Variants in PGM5 observed in about 807,000 individuals in gnomAD.
PGM5 encodes phosphoglucomutase-like protein 5.
In PGM5, 23 loss-of-function variants were observed where a neutral mutation model predicts 59.2. The ratio of observed to expected loss-of-function variants is 0.39; its 90% CI spans 0.28 to 0.55. PGM5 has a LOEUF of 0.55. Ranked by LOEUF, PGM5 falls within the 20% of genes least tolerant of loss-of-function variation. PGM5 has a pLI of 0.66. For synonymous variants in PGM5, 214 were observed against 286.0 expected, an observed-to-expected ratio of 0.75 and a Z score of 2.54; for missense variants, 574 against 748.3, an observed-to-expected ratio of 0.77 and a Z score of 2.72.
At chr9:68,412,634 G>A (rs1248972846) in intron 6 of PGM5, among the ~76,000 whole-genome samples, 1 of 152,180 alleles carries the variant, frequency 6.6e-6, no homozygotes, top group African/African-American at 2.4e-5. Context: ...CTCCTGCTCT[G>A]CTACAAACGG....
intron 2 of PGM5, among the ~76,000 whole-genome samples, chr9:68,380,115 C>T (rs1554678203): frequency 6.6e-6 from 1 of 151,550 alleles, no homozygotes; most frequent in African/African-American, 2.4e-5. Flanking sequence ...CCTACCAAAC[C>T]TACATTCATC....
At chr9:68,523,139 A>G (rs1039454143) in intron 10 of PGM5, among the ~76,000 whole-genome samples, 5 of 152,298 alleles carry the variant, frequency 3.3e-5, no homozygotes, top group Middle Eastern at 3.4e-3. Context: ...CAGCCTCTCT[A>G]TTGGCTGCCT....
intron 10 of PGM5, among the ~76,000 whole-genome samples, chr9:68,508,517 A>G (rs1478741066): frequency 6.6e-6 from 1 of 152,212 alleles, no homozygotes; most frequent in Admixed American, 6.5e-5. Context: ...TTCTTACCAA[A>G]ATATCTTTTG....
intron 1 of PGM5, among the ~76,000 whole-genome samples, chr9:68,366,157 T>TA (rs1319606731): frequency 2.6e-5 from 4 of 151,894 alleles, no homozygotes; most frequent in African/African-American, 9.7e-5. Context: ...TCTAAATTAA[T>TA]AGAGTAGTTT....
At chr9:68,477,500 GT>G (rs1824126369) in intron 7 of PGM5, among the ~76,000 whole-genome samples, 1 of 152,146 alleles carries the variant, frequency 6.6e-6, no homozygotes, top group Non-Finnish European at 1.5e-5. Flanking sequence ...TTCCATGTAT[GT>G]TTTGTAGTTC....
At chr9:68,359,446 A>G (rs1476245884) in intron 1 of PGM5, among the ~76,000 whole-genome samples, 3 of 152,192 alleles carry the variant, frequency 2.0e-5, no homozygotes, top group African/African-American at 7.2e-5. Flanking sequence ...CAAACAGCCA[A>G]CTTTAACCAA....
chr9:68,430,140 A>G (rs1554682914), intron 6 of PGM5, among the ~76,000 whole-genome samples: 1 of 152,262 alleles, frequency 6.6e-6, no homozygotes, highest in African/African-American at 2.4e-5. Flanking sequence ...ATAGCTTTCA[A>G]CTATTAATAA....
rs114757870 is a variant in PGM5 at position 68,430,905 on chromosome 9, A to G, written c.1044-34188A>G. On this transcript the variant is annotated intron_variant, in intron 6 of 10. Coordinates refer to ENST00000396396, the MANE Select transcript of PGM5 (RefSeq NM_021965.4). ...TAGAGTATTCATCATAACATGCATC[A>G]ACTATTTATATTTTCTCAATAAATA... Among the ~76,000 whole-genome samples, 1,391 of 152,306 alleles carry G rather than the reference A, an allele frequency of 9.1e-3. 16 individuals carry two copies. Among genetic ancestry groups the G allele is most frequent in the African/African-American group, 0.032 (1,350 of 41,550 alleles).
intron 6 of PGM5, among the ~76,000 whole-genome samples, chr9:68,413,114 A>G (rs575088235): frequency 1.2e-3 from 187 of 152,348 alleles, no homozygotes; most frequent in Middle Eastern, 6.8e-3. Flanking sequence ...TATGGACATA[A>G]CAAAGCAGCA....
At chr9:68,358,702 T>C (rs1554676014) in intron 1 of PGM5, among the ~76,000 whole-genome samples, 1 of 152,096 alleles carries the variant, frequency 6.6e-6, no homozygotes, top group African/African-American at 2.4e-5. Flanking sequence ...GCTTCATATT[T>C]ATCTACTATA....
intron 6 of PGM5, among the ~76,000 whole-genome samples, chr9:68,411,503 T>TATATATA (rs61541417): frequency 6.8e-6 from 1 of 146,206 alleles, no homozygotes; most frequent in African/African-American, 2.5e-5. Context: ...TATATATATA[T>TATATATA]GATTTTCCCA....
chr9:68,481,872 C>A (rs1355301194), intron 8 of PGM5, among the ~76,000 whole-genome samples: 1 of 152,154 alleles, frequency 6.6e-6, no homozygotes, highest in Non-Finnish European at 1.5e-5. Context: ...CAACCCCCAG[C>A]AAATGGCAAA....
At chr9:68,476,347 T>G (rs1311554548) in intron 7 of PGM5, among the ~76,000 whole-genome samples, 1 of 152,236 alleles carries the variant, frequency 6.6e-6, no homozygotes, top group East Asian at 1.9e-4. Context: ...GTTTCTCTTT[T>G]TCTTATTGAC....
intron 2 of PGM5, among the ~76,000 whole-genome samples, chr9:68,382,742 T>C (rs1196275990): frequency 4.0e-5 from 6 of 151,746 alleles, no homozygotes; most frequent in Non-Finnish European, 7.4e-5. Context: ...ATCAGGGAGC[T>C]TGGAAATTGA....
chr9:68,475,844 C>T (rs1247644842), intron 7 of PGM5, among the ~76,000 whole-genome samples: 1 of 151,910 alleles, frequency 6.6e-6, no homozygotes, highest in Non-Finnish European at 1.5e-5. Flanking sequence ...ACAGTGAGAC[C>T]CCATCTCTAA....
chr9:68,514,533 C>T lies in PGM5; in HGVS notation c.1615-15034C>T, dbSNP rs547514422. On this transcript the variant is annotated intron_variant, in intron 10 of 10. Coordinates refer to ENST00000396396, the MANE Select transcript of PGM5 (RefSeq NM_021965.4). Reference sequence around the variant, plus strand: ...AGGAGAATCGCTTGAACCTGGGAGGCGGTGGAGGTTGTGGTGAACCAAGAT... The same window carrying T: ...AGGAGAATCGCTTGAACCTGGGAGGTGGTGGAGGTTGTGGTGAACCAAGAT... 1.2e-4 allele frequency among the ~76,000 whole-genome samples: 18 copies of T among 152,108 alleles called. No homozygotes were observed. In the East Asian group the frequency reaches 1.7e-3, roughly 15 times the overall value.
intron 10 of PGM5, among the ~76,000 whole-genome samples, chr9:68,511,490 A>ACAT (rs1156941290): frequency 6.7e-6 from 1 of 148,486 alleles, no homozygotes; most frequent in Non-Finnish European, 1.5e-5. Flanking sequence ...TTTATACCTG[A>ACAT]CATGTGAATA....
At chr9:68,471,470 A>G in intron 7 of PGM5, among the ~76,000 whole-genome samples, 1 of 152,046 alleles carries the variant, frequency 6.6e-6, no homozygotes, top group Admixed American at 6.6e-5. Context: ...CACTGGAGAG[A>G]TTTTTGATTC....
At chr9:68,411,486 G>GTA (rs1279685124) in intron 6 of PGM5, among the ~76,000 whole-genome samples, 8,258 of 137,840 alleles carry the variant, frequency 0.06, 824 homozygotes, top group African/African-American at 0.2. Context: ...GTGTGTGTGT[G>GTA]TGTATATATA....
Sources: gnomAD v4.1 joint callset for allele counts (sites outside exome capture counted in the v4.1 genomes callset) on GRCh38, gnomAD v4.1.1 for gene constraint, MANE v1.5 for transcripts, NCBI Gene and HGNC (gene_info 2026-07-23, HGNC 2026-07-21) for gene names.